The following BAIAP3 variants were observed in gnomAD, a reference collection of about 807,000 sequenced individuals.
BAIAP3 encodes BAI1-associated protein 3.
Under a neutral mutation model 149.7 loss-of-function variants are expected in BAIAP3, and 180 were observed. That is an observed-to-expected ratio of 1.20 (90% CI 1.07 to 1.36). The LOEUF is 1.36. Ranked by LOEUF, BAIAP3 falls within the 40% of genes most tolerant of loss-of-function variation. BAIAP3 has a pLI of 0.00. For synonymous variants in BAIAP3, 845 were observed against 670.7 expected, an observed-to-expected ratio of 1.26 and a Z score of -4.02; for missense variants, 1,767 against 1,563.4, an observed-to-expected ratio of 1.13 and a Z score of -2.20.
intron 19 of BAIAP3, 37 bp from the exon 20 acceptor site, chr16:1,344,759 TGG>T (rs1179262325): frequency 6.2e-6 from 10 of 1,613,036 alleles, no homozygotes; most frequent in Non-Finnish European, 8.5e-6. Flanking sequence ...GGCCTGCAGG[TGG>T]GGCGCAGGTG....
chr16:1,341,222 C>G (rs761291680), intron 7 of BAIAP3, 27 bp downstream of exon 7: 1 of 1,608,834 alleles, frequency 6.2e-7, no homozygotes, highest in African/African-American at 1.3e-5. Flanking sequence ...CAGACCTCGG[C>G]TGCGCCGAGG....
chr16:1,334,624 G>C, intron 1 of BAIAP3: 1 of 1,535,346 alleles, frequency 6.5e-7, no homozygotes, highest in Non-Finnish European at 8.8e-7. Flanking sequence ...GCCACCGGCA[G>C]CGCTTGTTAG....
chr16:1,341,699 C>G, intron 8 of BAIAP3, 123 bp from the exon 9 acceptor site: 2 of 1,235,134 alleles, frequency 1.6e-6, no homozygotes, highest in Non-Finnish European at 2.3e-6. Context: ...GGATTTGGAC[C>G]TGAACAGCCT....
Position 1,342,988 on chromosome 16 carries a change from A to T in BAIAP3, c.1237A>T (p.Asn413Tyr). 6.2e-7 allele frequency: 1 copy of T among 1,611,126 alleles called. No homozygotes were observed. The highest frequency in any genetic ancestry group is 8.5e-7 in the Non-Finnish European group (1 of 1,179,962). Residue 413 changes from asparagine to tyrosine, a missense_variant, in exon 14 of 34, where the codon AAC becomes TAC. Asn to Tyr is a moderately radical substitution (Grantham distance 143, BLOSUM62 -2). Transcript: ENST00000426824. ...TILCLHGAQS[N>Y]LSPLQLAVLH... is the part of the protein sequence containing the mutation. ...CCTCTGCCTGCACGGAGCCCAGAGC[A>T]ACCTGTCACCCTTGCAGCTGGCCGT... is the stretch of plus-strand genomic sequence containing the variant.
Position 1,344,629 on chromosome 16 carries a change from T to G in BAIAP3, c.1688T>G (p.Val563Gly), listed in dbSNP as rs1297042196. Residue 563 changes from valine to glycine, a missense_variant, in exon 19 of 34, where the codon GTT becomes GGT. Physicochemically the swap from Val to Gly is moderately radical, Grantham distance 109. Coordinates refer to ENST00000426824, the MANE Select transcript of BAIAP3 (RefSeq NM_001199097.2). ...GGACCACAGCGCCTGCCTGGGCTGG[T>G]TGTGCTGGCTGACGCCGTCTATGAT... ...QPGPQRLPGL[V>G]VLADAVYDDL... The G allele has an allele frequency of 6.2e-7, 1 of 1,613,316 alleles. No individual in the cohort carries two copies. Among genetic ancestry groups the G allele is most frequent in the Non-Finnish European group, 8.5e-7 (1 of 1,180,010 alleles).
chr16:1,348,854 T>G lies in BAIAP3; in HGVS notation c.*372T>G. 1 of 376,848 alleles carries G rather than the reference T, an allele frequency of 2.7e-6. No individual in the cohort carries two copies. The highest frequency in any genetic ancestry group is 4.9e-6 in the Non-Finnish European group (1 of 202,120). 23.3% of individuals were successfully genotyped at this position (376,848 alleles called of 1,614,324 possible). On this transcript the variant is annotated 3_prime_UTR_variant, in exon 34 of 34. Transcript: ENST00000426824. ...CCAGGGACTCAGTGAGTGGCTGTGCTCTCTGCACAACGGGCAATGTGCAGA... is the reference window on the plus strand; with the variant it reads ...CCAGGGACTCAGTGAGTGGCTGTGCGCTCTGCACAACGGGCAATGTGCAGA...
At chr16:1,338,812 G>A (rs925419091) in intron 2 of BAIAP3, 90 bp from the exon 3 acceptor site, 26 of 1,588,536 alleles carry the variant, frequency 1.6e-5, no homozygotes, top group Non-Finnish European at 2.1e-5. Flanking sequence ...CACTGTGGAT[G>A]TCACATGGCC....
At position 1,346,625 on chromosome 16, in the gene BAIAP3, G is replaced by C; in HGVS notation, c.2583G>C (p.Lys861Asn). Residue 861 changes from lysine (K) to asparagine (N), a missense_variant, in exon 27 of 34, where the codon AAG becomes AAC. By Grantham distance (94) the Lys-to-Asn change is moderately conservative (BLOSUM62 0). Transcript: ENST00000426824. ...CGCAGGCCGTGGCCCCGCTCATGAA[G>C]TACCTGGATGAGAAGCTGGCCCTGC... ...QNDEAVAPLMKYLDEKLALLN... is the reference protein window; with the variant it reads ...QNDEAVAPLMNYLDEKLALLN... The C allele has an allele frequency of 6.6e-7, 1 of 1,518,914 alleles. No individual in the cohort carries two copies. The highest frequency in any genetic ancestry group is 8.9e-7 in the Non-Finnish European group (1 of 1,128,842). 94.1% of individuals were successfully genotyped at this position (1,518,914 alleles called of 1,614,324 possible). A position where few individuals can be genotyped will look rare whatever the true frequency, so the allele number is the denominator to read the frequency against.
Position 1,344,247 on chromosome 16 carries a change from T to C in BAIAP3, c.1532T>C (p.Leu511Pro). 7 of 1,613,650 alleles carry C rather than the reference T, an allele frequency of 4.3e-6. No individual in the cohort carries two copies. Among genetic ancestry groups the C allele is most frequent in the Non-Finnish European group, 5.9e-6 (7 of 1,179,962 alleles). ...LLLKCLGKLQ[L>P]FQPSFEICPF... ...CCCAGGTGTCTGGGCAAGCTGCAGC[T>C]CTTCCAACCCTCCTTTGAGATCTGC... The change falls in exon 17 of 34, where the codon CTC becomes CCC. Residue 511 changes from leucine to proline, a missense_variant. By Grantham distance (98) the Leu-to-Pro change is moderately conservative. Transcript: ENST00000426824.
rs2033945963 is a variant in BAIAP3 at position 1,341,850 on chromosome 16, C to T, written c.760C>T (p.Leu254=). 2 of 1,612,426 alleles carry T rather than the reference C, an allele frequency of 1.2e-6. No individual in the cohort carries two copies. Among genetic ancestry groups the T allele is most frequent in the Non-Finnish European group, 1.7e-6 (2 of 1,179,800 alleles). ...FEIEDVSTDQ[L]HLDIWDHDDD... ...GATTGAGGATGTGAGCACGGACCAG[C>T]TGCACCTGGACATCTGGTACAGGCC... The change falls in exon 9 of 34, where the codon CTG becomes TTG. Residue 254 remains leucine (L), a synonymous_variant. Transcript: ENST00000426824.
intron 15 of BAIAP3, 86 bp from the exon 16 acceptor site, chr16:1,343,936 G>C: frequency 1.9e-6 from 3 of 1,570,502 alleles, no homozygotes; most frequent in Non-Finnish European, 2.6e-6. Context: ...CCCGGGGAAG[G>C]GTGTTGCGGG....
chr16:1,336,075 G>A (rs998307056), intron 1 of BAIAP3: 31 of 290,642 alleles, frequency 1.1e-4, no homozygotes, highest in African/African-American at 2.0e-4. Context: ...CCCCAACCCC[G>A]CAGTTCAGGC....
At position 1,345,823 on chromosome 16, in the gene BAIAP3, A is replaced by T; in HGVS notation, c.2141A>T (p.Glu714Val). 1 of 1,580,384 alleles carries T rather than the reference A, an allele frequency of 6.3e-7. No homozygotes were observed. Among genetic ancestry groups the T allele is most frequent in the Non-Finnish European group, 8.6e-7 (1 of 1,166,264 alleles). Residue 714 changes from glutamate (E) to valine (V), a missense_variant, in exon 23 of 34, where the codon GAG becomes GTG. Physicochemically the swap from Glu to Val is moderately radical, Grantham distance 121. Transcript: ENST00000426824. ...TAGLCLSHIQELWVRLAWPDP... is the reference protein window; with the variant it reads ...TAGLCLSHIQVLWVRLAWPDP... ...GGTCTCTGCCTCAGCCACATCCAGG[A>T]GTTGTGGGTGCGCCTGGCGTGGCCT...
In BAIAP3 at chr16:1,338,957, G is replaced by A. The variant is rs996875799; in HGVS notation, c.187G>A (p.Gly63Arg). The change falls in exon 3 of 34, where the codon GGG (glycine) becomes AGG (arginine). Residue 63 changes from glycine to arginine, a missense_variant. Transcript: ENST00000426824. ...FAHMRLMLKKGEGRQGLPCLE... is the reference protein window; with the variant it reads ...FAHMRLMLKKREGRQGLPCLE... ...CCACATGCGCCTCATGCTGAAGAAG[G>A]GGGAAGGCAGACAGGGCTTGCCGTG... The A allele has an allele frequency of 1.2e-6, 2 of 1,612,982 alleles. No homozygotes were observed. The highest frequency in any genetic ancestry group is 1.6e-4 in the Middle Eastern group (1 of 6,080).
chr16:1,337,799 G>A (rs780725458), intron 1 of BAIAP3, among the ~76,000 whole-genome samples: 4 of 152,354 alleles, frequency 2.6e-5, no homozygotes, highest in Admixed American at 6.5e-5. Flanking sequence ...ATTTTCCAGC[G>A]GGGCCCGGCT....
At position 1,345,803 on chromosome 16, in the gene BAIAP3, C is replaced by T. The variant is rs1179573940; in HGVS notation, c.2121C>T (p.Leu707=). 2 of 1,577,572 alleles carry T rather than the reference C, an allele frequency of 1.3e-6. No individual in the cohort carries two copies. The highest frequency in any genetic ancestry group is 3.6e-5 in the Admixed American group (2 of 55,500). ...GCAGCTCCGCAGCCACTGCTGGTCT[C>T]TGCCTCAGCCACATCCAGGAGTTGT... is the stretch of plus-strand genomic sequence containing the variant. ...RHSSSAATAG[L]CLSHIQELWV... The change falls in exon 23 of 34, where the codon CTC becomes CTT. Residue 707 remains leucine (L), a synonymous_variant. Coordinates refer to ENST00000426824, the MANE Select transcript of BAIAP3 (RefSeq NM_001199097.2).
At chr16:1,341,903 C>T (rs1445046747) in intron 9 of BAIAP3, 37 bp downstream of exon 9, 3 of 1,603,246 alleles carry the variant, frequency 1.9e-6, no homozygotes, top group Non-Finnish European at 2.6e-6. Flanking sequence ...GGCGGGGATG[C>T]ACACCTTTTG....
In BAIAP3 at chr16:1,345,898, G is replaced by T. The variant is rs1458082031; in HGVS notation, c.2208+8G>T. ...GGCACCCAGCTTGGCCAGGTGTGTG[G>T]GTGGGCCCTGGGGGTGAGGGGAACG... On this transcript the variant is annotated splice_region_variant and intron_variant, in intron 23 of 33. Coordinates refer to ENST00000426824, the MANE Select transcript of BAIAP3 (RefSeq NM_001199097.2). The T allele has an allele frequency of 6.3e-7, 1 of 1,578,930 alleles. No individual in the cohort carries two copies. The highest frequency in any genetic ancestry group is 8.6e-7 in the Non-Finnish European group (1 of 1,163,302).
intron 22 of BAIAP3, 86 bp from the exon 23 acceptor site, chr16:1,345,661 C>G (rs1321936309): frequency 2.9e-6 from 2 of 699,780 alleles, no homozygotes; most frequent in African/African-American, 4.8e-5. Flanking sequence ...CCTCCGCAAC[C>G]CCAGCCTCCC....
Sources: allele counts gnomAD v4.1 joint callset (sites outside exome capture counted in the v4.1 genomes callset), GRCh38; gene constraint gnomAD v4.1.1; transcripts MANE v1.5; gene names NCBI Gene and HGNC (gene_info 2026-07-23, HGNC 2026-07-21).